The following CLSTN2 variants were observed in gnomAD, a reference collection of about 807,000 sequenced individuals.
CLSTN2 encodes calsyntenin 2.
CLSTN2 carries 48 observed loss-of-function variants against 101.2 expected under a neutral mutation model. That is an observed-to-expected ratio of 0.47 (90% CI 0.38 to 0.60). The LOEUF is 0.60. CLSTN2 is among the 20% of genes least tolerant of loss of function. The probability of loss-of-function intolerance (pLI) is 0.00; values close to 1 mark genes in which losing one functional copy is unlikely to be tolerated. For missense variants in CLSTN2, 1,160 were observed against 1,238.2 expected (o/e 0.94, Z 0.95); for synonymous variants, 481 against 463.6 (o/e 1.04, Z -0.48).
chr3:140,245,515 C>T (rs1192635372), intron 2 of CLSTN2, among the ~76,000 whole-genome samples: 1 of 152,108 alleles, frequency 6.6e-6, no homozygotes, highest in East Asian at 1.9e-4. Context: ...AGTGTGCAAT[C>T]CTTAACCTAG....
intron 8 of CLSTN2, among the ~76,000 whole-genome samples, chr3:140,480,903 T>A (rs1157042728): frequency 6.6e-6 from 1 of 152,228 alleles, no homozygotes; most frequent in African/African-American, 2.4e-5. Flanking sequence ...GGTTGCCTGT[T>A]CACTCTGATG....
intron 6 of CLSTN2, among the ~76,000 whole-genome samples, chr3:140,458,277 A>G (rs904661414): frequency 2.0e-5 from 3 of 152,036 alleles, no homozygotes; most frequent in Admixed American, 1.3e-4. Flanking sequence ...GGCAGGTAAT[A>G]CACACAACCA....
rs1033456334 is a variant in CLSTN2, at chr3:140,471,022, A to T, written c.1344+4291A>T. 9.2e-5 allele frequency among the ~76,000 whole-genome samples: 14 copies of T among 152,316 alleles called. 1 individual carries two copies. Among genetic ancestry groups the T allele is most frequent in the Admixed American group, 3.3e-4 (5 of 15,308 alleles). On this transcript the variant is annotated intron_variant, in intron 8 of 16. Transcript: ENST00000458420. ...CTCTGGCCAAGGTGGATGGACAGCC[A>T]GGTAAATCTATTACCAGGCAGCTCC...
intron 1 of CLSTN2, among the ~76,000 whole-genome samples, chr3:140,162,348 T>C (rs1361480731): frequency 4.6e-5 from 7 of 152,148 alleles, no homozygotes; most frequent in East Asian, 3.8e-4. Context: ...GATATTTACA[T>C]CCAGTATAGT....
At chr3:140,289,169 A>G (rs73228924) in intron 2 of CLSTN2, among the ~76,000 whole-genome samples, 3 of 152,142 alleles carry the variant, frequency 2.0e-5, no homozygotes, top group Non-Finnish European at 4.4e-5. Context: ...TCCTTTAATC[A>G]TCAGAATTCT....
At chr3:139,978,558 C>A (rs542147668) in intron 1 of CLSTN2, among the ~76,000 whole-genome samples, 43 of 152,030 alleles carry the variant, frequency 2.8e-4, no homozygotes, top group Admixed American at 5.9e-4. Context: ...CTGGGAATAG[C>A]ATCTATAGTC....
In CLSTN2 at chr3:140,035,730, G is replaced by A. The variant is rs111794799; in HGVS notation, c.109+100247G>A. Among the ~76,000 whole-genome samples the A allele has an allele frequency of 2.0e-5, 3 of 152,336 alleles. 1 individual carries two copies. The highest frequency in any genetic ancestry group is 7.2e-5 in the African/African-American group (3 of 41,586). ...ATTTTTATTATTTTGCCAGTCATTT[G>A]TTTAAGCTACTTCACTGACTGAACA... On this transcript the variant is annotated intron_variant, in intron 1 of 16. Transcript: ENST00000458420.
At chr3:140,210,248 C>T (rs2010837762) in intron 2 of CLSTN2, among the ~76,000 whole-genome samples, 1 of 152,306 alleles carries the variant, frequency 6.6e-6, no homozygotes, top group East Asian at 1.9e-4. Context: ...GTTTGCCTGA[C>T]TCTAAAACCC....
intron 2 of CLSTN2, among the ~76,000 whole-genome samples, chr3:140,362,189 A>T (rs950428801): frequency 4.6e-5 from 7 of 152,220 alleles, no homozygotes; most frequent in East Asian, 3.8e-4. Flanking sequence ...GTGACTTTCA[A>T]CAGAGATGCC....
chr3:140,155,227 T>A lies in CLSTN2; in HGVS notation c.110-20724T>A, dbSNP rs138981807. On this transcript the variant is annotated intron_variant, in intron 1 of 16. Coordinates refer to ENST00000458420, the MANE Select transcript of CLSTN2 (RefSeq NM_022131.3). ...GGTTCTTGCAGAGGCTAAGGTAGTA[T>A]CATCTGGGAATGGAATGTTGGCAGG... Among the ~76,000 whole-genome samples, 715 of 152,298 alleles carry A rather than the reference T, an allele frequency of 4.7e-3. 5 individuals carry two copies. Among genetic ancestry groups the A allele is most frequent in the South Asian group, 8.9e-3 (43 of 4,820 alleles).
chr3:140,513,534 A>G (rs894284276), intron 8 of CLSTN2, among the ~76,000 whole-genome samples: 3 of 148,502 alleles, frequency 2.0e-5, no homozygotes, highest in African/African-American at 7.5e-5. Flanking sequence ...TAATTTTTGC[A>G]TCAATGTTCA....
intron 4 of CLSTN2, among the ~76,000 whole-genome samples, chr3:140,415,004 C>A (rs1162199369): frequency 6.6e-6 from 1 of 151,590 alleles, no homozygotes; most frequent in East Asian, 1.9e-4. Context: ...ACCAATGGAG[C>A]AGAATAGAGA....
intron 8 of CLSTN2, among the ~76,000 whole-genome samples, chr3:140,526,531 C>G (rs915602301): frequency 2.0e-5 from 3 of 149,772 alleles, no homozygotes; most frequent in African/African-American, 7.3e-5. Flanking sequence ...ATCAAAATAC[C>G]AATGTCATTT....
intron 1 of CLSTN2, among the ~76,000 whole-genome samples, chr3:140,043,853 C>A (rs1300187903): frequency 6.6e-6 from 1 of 152,118 alleles, no homozygotes; most frequent in Non-Finnish European, 1.5e-5. Flanking sequence ...GGTATTATTT[C>A]TGAGGGCTCT....
At chr3:139,952,540 G>T (rs1313045966) in intron 1 of CLSTN2, among the ~76,000 whole-genome samples, 1 of 152,048 alleles carries the variant, frequency 6.6e-6, no homozygotes, top group Non-Finnish European at 1.5e-5. Context: ...ATCCTGATTT[G>T]CTGAAATGGT....
chr3:139,960,601 C>G (rs981047833), intron 1 of CLSTN2, among the ~76,000 whole-genome samples: 2 of 152,234 alleles, frequency 1.3e-5, no homozygotes, highest in African/African-American at 4.8e-5. Context: ...TTTTGCCTTC[C>G]TTTCCTTCTC....
At chr3:140,107,601 T>C (rs183447097) in intron 1 of CLSTN2, among the ~76,000 whole-genome samples, 1 of 152,298 alleles carries the variant, frequency 6.6e-6, no homozygotes, top group Non-Finnish European at 1.5e-5. Flanking sequence ...CAACTGTATC[T>C]AAACCCTGCC....
chr3:140,359,993 T>TAC (rs55746611), intron 2 of CLSTN2, among the ~76,000 whole-genome samples: 4,937 of 145,882 alleles, frequency 0.034, 177 homozygotes, highest in African/African-American at 0.095. Flanking sequence ...ACATATTTTA[T>TAC]ACACACACAC....
chr3:140,370,252 G>A (rs2087837783), intron 2 of CLSTN2, among the ~76,000 whole-genome samples: 1 of 152,174 alleles, frequency 6.6e-6, no homozygotes, highest in African/African-American at 2.4e-5. Flanking sequence ...CCATGCCCAC[G>A]CCTTGATTCT....
Sources: allele counts gnomAD v4.1 joint callset (sites outside exome capture counted in the v4.1 genomes callset), GRCh38; gene constraint gnomAD v4.1.1; transcripts MANE v1.5; gene names NCBI Gene and HGNC (gene_info 2026-07-23, HGNC 2026-07-21).